DGKB: variants seen among roughly 807,000 people sequenced by gnomAD.
DGKB encodes the protein 90 kDa diacylglycerol kinase.
A neutral mutation model predicts 114.3 loss-of-function variants in DGKB; 67 were observed. The observed-to-expected ratio is 0.59, with a 90% CI of 0.48 to 0.72. The LOEUF (loss-of-function observed/expected upper bound fraction) is 0.72, where lower values mean the gene tolerates loss of function less well. DGKB is among the 30% of genes least tolerant of loss of function. The probability of loss-of-function intolerance (pLI) is 0.00; values close to 1 mark genes in which losing one functional copy is unlikely to be tolerated. For synonymous variants in DGKB, 398 were observed against 323.1 expected (o/e 1.23, Z -2.49); for missense variants, 907 against 975.2 (o/e 0.93, Z 0.93).
At chr7:14,438,048 A>C (rs1036233301) in intron 21 of DGKB, among the ~76,000 whole-genome samples, 1 of 151,988 alleles carries the variant, frequency 6.6e-6, no homozygotes, top group South Asian at 2.1e-4. Context: ...GCTATACTGA[A>C]GTTTGAGAAA....
chr7:14,746,540 C>T (rs1833313701), intron 4 of DGKB, among the ~76,000 whole-genome samples: 1 of 152,134 alleles, frequency 6.6e-6, no homozygotes, highest in Non-Finnish European at 1.5e-5. Flanking sequence ...CTTCCCCACC[C>T]CATGCTGGAG....
At chr7:14,359,473 A>T (rs1815265125) in intron 21 of DGKB, among the ~76,000 whole-genome samples, 1 of 152,200 alleles carries the variant, frequency 6.6e-6, no homozygotes, top group Admixed American at 6.5e-5. Flanking sequence ...AGTGGGATCT[A>T]ATTAAACTAA....
Position 14,557,327 on chromosome 7 carries a change from G to A in DGKB, c.1770+16885C>T, listed in dbSNP as rs143999606. 5.7e-4 allele frequency among the ~76,000 whole-genome samples: 87 copies of A among 152,048 alleles called. 1 individual carries two copies. The highest frequency in any genetic ancestry group is 2.1e-3 in the African/African-American group (85 of 41,456). On this transcript the variant is annotated intron_variant, in intron 20 of 25. Transcript: ENST00000402815. ...TATACTTATTTAAATATTTTCCATA[G>A]CTGTGGCTATGTCTTTAAATTTATT...
At chr7:14,690,636 G>A (rs552459703) in intron 9 of DGKB, among the ~76,000 whole-genome samples, 3 of 152,152 alleles carry the variant, frequency 2.0e-5, no homozygotes, top group East Asian at 1.9e-4. Context: ...TAATTTCTGC[G>A]ATTGCATTTG....
At chr7:14,652,823 C>G (rs560510078) in intron 13 of DGKB, among the ~76,000 whole-genome samples, 1 of 152,016 alleles carries the variant, frequency 6.6e-6, no homozygotes, top group African/African-American at 2.4e-5. Context: ...AACAAACAAC[C>G]CCATCAAAAA....
chr7:14,356,127 T>C (rs1478193597), intron 21 of DGKB, among the ~76,000 whole-genome samples: 1 of 152,034 alleles, frequency 6.6e-6, no homozygotes, highest in Non-Finnish European at 1.5e-5. Context: ...GGTGATATCC[T>C]CTTTATCATT....
intron 8 of DGKB, among the ~76,000 whole-genome samples, chr7:14,696,501 CAAAAAAAAAAAAAAAAAAAA>C (rs35486620): frequency 8.0e-4 from 36 of 45,074 alleles, no homozygotes; most frequent in African/African-American, 2.2e-3. Context: ...GACTCCGTCT[CAAAAAAAAAAAAAAAAAAAA>C]AAAAAAAAAA....
intron 2 of DGKB, among the ~76,000 whole-genome samples, chr7:14,795,877 T>C (rs781579171): frequency 6.6e-6 from 1 of 152,164 alleles, no homozygotes; most frequent in Non-Finnish European, 1.5e-5. Context: ...AAGCATATTA[T>C]GAAAAACTAT....
At chr7:14,695,308 G>A (rs1286275107) in intron 8 of DGKB, among the ~76,000 whole-genome samples, 1 of 151,840 alleles carries the variant, frequency 6.6e-6, no homozygotes, top group African/African-American at 2.4e-5. Flanking sequence ...TTTCCTTTTT[G>A]TACCTAATAA....
chr7:14,626,813 T>G (rs568497852), intron 14 of DGKB, among the ~76,000 whole-genome samples: 1 of 152,312 alleles, frequency 6.6e-6, no homozygotes, highest in South Asian at 2.1e-4. Flanking sequence ...CGATATAAGG[T>G]CTAAAGATTT....
chr7:14,890,717 C>A (rs542394480), intron 1 of DGKB, among the ~76,000 whole-genome samples: 1 of 151,212 alleles, frequency 6.6e-6, no homozygotes, highest in African/African-American at 2.4e-5. Context: ...ATTCTCCTCA[C>A]GTGTGTGACC....
At chr7:14,151,637 C>A (rs538802172) in intron 25 of DGKB, among the ~76,000 whole-genome samples, 1 of 152,082 alleles carries the variant, frequency 6.6e-6, no homozygotes, top group East Asian at 1.9e-4. Context: ...TTATATGTAA[C>A]CTGTCTTCTT....
intron 21 of DGKB, among the ~76,000 whole-genome samples, chr7:14,430,568 T>C (rs1563168185): frequency 6.6e-6 from 1 of 152,204 alleles, no homozygotes; most frequent in Non-Finnish European, 1.5e-5. Context: ...GAATCCCTCA[T>C]GCCACATCTC....
At chr7:14,901,666 C>T (rs1783102148) in intron 1 of DGKB, among the ~76,000 whole-genome samples, 1 of 141,468 alleles carries the variant, frequency 7.1e-6, no homozygotes, top group Admixed American at 7.8e-5. Flanking sequence ...GCAAGAGGAC[C>T]TGGTTAGGTA....
At chr7:14,151,438 T>G (rs1782187835) in intron 25 of DGKB, among the ~76,000 whole-genome samples, 2 of 151,390 alleles carry the variant, frequency 1.3e-5, no homozygotes, top group Non-Finnish European at 2.9e-5. Flanking sequence ...TAAATTTTGT[T>G]TATGACTATT....
At chr7:14,965,111 G>A (rs961822038) in intron 1 of DGKB, among the ~76,000 whole-genome samples, 2 of 152,110 alleles carry the variant, frequency 1.3e-5, no homozygotes, top group African/African-American at 4.8e-5. Flanking sequence ...TACAGGGCTA[G>A]TTGGAAGAGA....
intron 13 of DGKB, among the ~76,000 whole-genome samples, chr7:14,656,961 C>G (rs1397102049): frequency 6.6e-6 from 1 of 151,654 alleles, no homozygotes; most frequent in Non-Finnish European, 1.5e-5. Flanking sequence ...AATGTAAAGA[C>G]AGTTTGTCAG....
At position 14,149,079 on chromosome 7, in the gene DGKB, T is replaced by G; in HGVS notation, c.*52A>C. The G allele has an allele frequency of 6.9e-7, 1 of 1,458,760 alleles. No individual in the cohort carries two copies. The highest frequency in any genetic ancestry group is 9.6e-7 in the Non-Finnish European group (1 of 1,039,022). 90.4% of individuals were successfully genotyped at this position (1,458,760 alleles called of 1,614,324 possible). A position where few individuals can be genotyped will look rare whatever the true frequency, so the allele number is the denominator to read the frequency against. On this transcript the variant is annotated 3_prime_UTR_variant, in exon 26 of 26. Coordinates refer to ENST00000402815, the MANE Select transcript of DGKB (RefSeq NM_001350709.2). ...GGTTCAAAGATTTCCAGCATATGTGTTCCATGGCCCAATTATGCTAATTCA... is the reference window on the plus strand; with the variant it reads ...GGTTCAAAGATTTCCAGCATATGTGGTCCATGGCCCAATTATGCTAATTCA...
At chr7:14,615,069 T>C (rs201811673) in intron 15 of DGKB, among the ~76,000 whole-genome samples, 1 of 152,230 alleles carries the variant, frequency 6.6e-6, no homozygotes, top group East Asian at 1.9e-4. Context: ...TTTCTCATCC[T>C]ATTACAAATT....
Sources: allele counts gnomAD v4.1 joint callset (sites outside exome capture counted in the v4.1 genomes callset), GRCh38; gene constraint gnomAD v4.1.1; transcripts MANE v1.5; gene names NCBI Gene and HGNC (gene_info 2026-07-23, HGNC 2026-07-21).